PRDM15: variants seen among roughly 807,000 people sequenced by gnomAD.
The protein encoded by PRDM15 is PR domain zinc finger protein 15.
Under a neutral mutation model 128.6 loss-of-function variants are expected in PRDM15, and 64 were observed. The observed-to-expected ratio is 0.50, with a 90% CI of 0.41 to 0.61. The LOEUF (loss-of-function observed/expected upper bound fraction) is 0.61. Ranked by LOEUF, PRDM15 falls within the 20% of genes least tolerant of loss-of-function variation. The pLI is 0.00. For synonymous variants in PRDM15, 615 were observed against 621.8 expected, an observed-to-expected ratio of 0.99 and a Z score of 0.16; for missense variants, 1,242 against 1,569.1, an observed-to-expected ratio of 0.79 and a Z score of 3.52.
At position 41,854,961 on chromosome 21, in the gene PRDM15, G is replaced by A. The variant is rs1338349187; in HGVS notation, c.286-143C>T. On this transcript the variant is annotated intron_variant, in intron 4 of 23. Coordinates refer to ENST00000398548, the MANE Select transcript of PRDM15 (RefSeq NM_001040424.3). The surrounding 1 kb of genome is among the most constrained non-coding windows in gnomAD (Gnocchi z 4.6). The stretch of plus-strand genomic sequence containing the variant: ...TAAGGGCTCCTGTACGGGATGTTGA[G>A]GTGTTTACAATAGTGAGGAGGGTCA... 2.1e-6 allele frequency: 2 copies of A among 955,296 alleles called. No individual in the cohort carries two copies. Among genetic ancestry groups the A allele is most frequent in the Non-Finnish European group, 1.5e-6 (1 of 658,682 alleles). 59.2% of individuals were successfully genotyped at this position (955,296 alleles called of 1,614,324 possible). A position where few individuals can be genotyped will look rare whatever the true frequency, so the allele number is the denominator to read the frequency against.
chr21:41,854,544 C>T lies in PRDM15; in HGVS notation c.538+22G>A, dbSNP rs2277794. ...GCGAGGCACAAGGGAAGGTGGGCTC[C>T]GGATCGGGGGCCGCCACATACCGTG... On this transcript the variant is annotated intron_variant, in intron 5 of 23. Transcript: ENST00000398548. The surrounding 1 kb of genome is among the most constrained non-coding windows in gnomAD (Gnocchi z 4.6). 533,709 of 1,609,520 alleles carry T rather than the reference C, an allele frequency of 0.33. 90,390 individuals carry two copies. Among genetic ancestry groups the T allele is most frequent in the Admixed American group, 0.39 (23,467 of 59,914 alleles).
chr21:41,872,431 GTTCA>G (rs1040793443), intron 1 of PRDM15, among the ~76,000 whole-genome samples: 2 of 152,190 alleles, frequency 1.3e-5, no homozygotes, highest in South Asian at 4.1e-4. Context: ...GCCCTAACAA[GTTCA>G]TTATTAAAAC....
rs1385924436 is a variant in PRDM15 at position 41,811,270 on chromosome 21, G to C, written c.2393-434C>G. 5.7e-6 allele frequency: 1 copy of C among 175,870 alleles called. No homozygotes were observed. Among genetic ancestry groups the C allele is most frequent in the Non-Finnish European group, 1.2e-5 (1 of 80,978 alleles). The allele number at this position is 175,870 out of a possible 1,614,324, so 10.9% of individuals were successfully genotyped here. On this transcript the variant is annotated intron_variant, in intron 19 of 23. Transcript: ENST00000398548. The surrounding 1 kb of genome is among the most constrained non-coding windows in gnomAD (Gnocchi z 4.1). ...GGCAAGGAGGACACAGACGAGCCAAGCGTAAAAGACAACAGAACTGCCGTG... is the reference window on the plus strand; with the variant it reads ...GGCAAGGAGGACACAGACGAGCCAACCGTAAAAGACAACAGAACTGCCGTG...
At chr21:41,809,946 G>A (rs928434390) in intron 21 of PRDM15, among the ~76,000 whole-genome samples, 1 of 152,196 alleles carries the variant, frequency 6.6e-6, no homozygotes, top group Non-Finnish European at 1.5e-5. Flanking sequence ...CCTTAGCAAA[G>A]GTCCGCCTGA....
chr21:41,849,419 A>C (rs2063360509), intron 5 of PRDM15, among the ~76,000 whole-genome samples: 1 of 152,030 alleles, frequency 6.6e-6, no homozygotes. Context: ...AAATGCACAA[A>C]TTAGCCAGGC....
intron 21 of PRDM15, chr21:41,804,836 C>G: frequency 2.3e-6 from 1 of 437,472 alleles, no homozygotes. Flanking sequence ...CCACAATGGT[C>G]TTGCCCCTGT....
chr21:41,814,077 C>T (rs1350790308), intron 19 of PRDM15: 2 of 132,886 alleles, frequency 1.5e-5, no homozygotes, highest in African/African-American at 6.0e-5. Flanking sequence ...TATGAGAATG[C>T]CTCGTGTTAG....
rs777712697 is a variant in PRDM15 at position 41,799,400 on chromosome 21, AAC to A, written c.*1838_*1839del. 5 of 152,254 alleles carry A rather than the reference AAC, an allele frequency of 3.3e-5. No individual in the cohort carries two copies. Among genetic ancestry groups the A allele is most frequent in the Non-Finnish European group, 5.9e-5 (4 of 68,042 alleles). The allele number at this position is 152,254 out of a possible 1,614,324, so 9.4% of individuals were successfully genotyped here. On this transcript the variant is annotated 3_prime_UTR_variant, in exon 24 of 24. Coordinates refer to ENST00000398548, the MANE Select transcript of PRDM15 (RefSeq NM_001040424.3). ...CATTTGATGAGACTACTATGTATAA[AAC>A]AGTTAATTATATACATAAATAACAT...
At chr21:41,852,625 G>A (rs1198366746) in intron 5 of PRDM15, among the ~76,000 whole-genome samples, 4 of 152,218 alleles carry the variant, frequency 2.6e-5, no homozygotes, top group Non-Finnish European at 4.4e-5. Flanking sequence ...CTTTCTCTGC[G>A]AAGGGTGCGA....
intron 1 of PRDM15, chr21:41,867,202 C>A: frequency 1.2e-6 from 1 of 836,422 alleles, no homozygotes; most frequent in Non-Finnish European, 1.9e-6. Flanking sequence ...AGTGACCCTG[C>A]AGAAGGCAGC....
intron 22 of PRDM15, among the ~76,000 whole-genome samples, chr21:41,803,485 C>T (rs2146147737): frequency 6.6e-6 from 1 of 152,350 alleles, no homozygotes; most frequent in African/African-American, 2.4e-5. Flanking sequence ...ACCGGGCCGG[C>T]TCACCAGGCT....
At chr21:41,826,947 C>T (rs192111793) in intron 12 of PRDM15, among the ~76,000 whole-genome samples, 196 of 152,314 alleles carry the variant, frequency 1.3e-3, no homozygotes, top group Middle Eastern at 6.8e-3. Flanking sequence ...AAACAGCTGA[C>T]TTCTGGCAGC....
At position 41,879,245 on chromosome 21, in the gene PRDM15, G is replaced by GGCGC; in HGVS notation, c.-10+24_-10+25insGCGC. The GGCGC allele has an allele frequency of 1.1e-6, 1 of 914,164 alleles. No individual in the cohort carries two copies. Among genetic ancestry groups the GGCGC allele is most frequent in the Non-Finnish European group, 1.3e-6 (1 of 761,218 alleles). 56.6% of individuals were successfully genotyped at this position (914,164 alleles called of 1,614,324 possible). A position where few individuals can be genotyped will look rare whatever the true frequency, so the allele number is the denominator to read the frequency against. ...GGCGGGGCGCACGCCGGGGCGGGCG[G>GGCGC]CGGGCGCAGGGCCCGGAGCTTTACC... On this transcript the variant is annotated intron_variant, in intron 1 of 23. Transcript: ENST00000398548. This position sits in a 1 kb window ranked among gnomAD's most constrained non-coding sequence, Gnocchi z 5.1.
At chr21:41,874,525 A>ATTT (rs61045274) in intron 1 of PRDM15, among the ~76,000 whole-genome samples, 2,090 of 95,710 alleles carry the variant, frequency 0.022, 53 homozygotes, top group Middle Eastern at 0.07. Context: ...ATATATATAT[A>ATTT]TTTTTTTTTT....
intron 4 of PRDM15, 43 bp downstream of exon 4, chr21:41,857,133 A>G (rs374270565): frequency 1.3e-4 from 205 of 1,581,370 alleles, no homozygotes; most frequent in Non-Finnish European, 1.6e-4. Flanking sequence ...GAACGCCAGA[A>G]AAACACCCAG....
At chr21:41,837,845 G>C (rs1258891314) in intron 8 of PRDM15, 89 bp downstream of exon 8, 1 of 1,453,092 alleles carries the variant, frequency 6.9e-7, no homozygotes, top group Admixed American at 1.7e-5. Context: ...GGGCTTTCCT[G>C]CTGGGAAGGT....
At chr21:41,807,547 C>T (rs137874270) in intron 21 of PRDM15, among the ~76,000 whole-genome samples, 36 of 152,200 alleles carry the variant, frequency 2.4e-4, no homozygotes, top group African/African-American at 8.0e-4. Context: ...CCTCACACTG[C>T]TGTCTAGGGT....
At position 41,801,629 on chromosome 21, in the gene PRDM15, C is replaced by A; in HGVS notation, c.3037G>T (p.Ala1013Ser). 1 of 1,614,090 alleles carries A rather than the reference C, an allele frequency of 6.2e-7. No individual in the cohort carries two copies. Among genetic ancestry groups the A allele is most frequent in the Non-Finnish European group, 8.5e-7 (1 of 1,180,030 alleles). ...GGCTGGAGATTGGTAAACTGAGTCG[C>A]GGCCGCAGTGGTGATGGGGGTCACG... ...ITVTPITTAA[A>S]TQFTNLQPVA... The change falls in exon 24 of 24, where the codon GCG (alanine) becomes TCG (serine). Residue 1013 changes from alanine (A) to serine (S), a missense_variant. Coordinates refer to ENST00000398548, the MANE Select transcript of PRDM15 (RefSeq NM_001040424.3).
intron 21 of PRDM15, among the ~76,000 whole-genome samples, chr21:41,807,490 C>A (rs556716327): frequency 2.0e-5 from 3 of 152,308 alleles, no homozygotes; most frequent in African/African-American, 7.2e-5. Flanking sequence ...GGCCTCACTG[C>A]GGTACACACA....
Sources: allele counts gnomAD v4.1 joint callset (sites outside exome capture counted in the v4.1 genomes callset), GRCh38; gene constraint gnomAD v4.1.1; non-coding constraint Gnocchi (gnomAD v3.1); transcripts MANE v1.5; gene names NCBI Gene and HGNC (gene_info 2026-07-23, HGNC 2026-07-21).